The following INTS6L variants were observed in gnomAD, a reference collection of about 807,000 sequenced individuals.
INTS6L encodes the protein integrator complex subunit 6 like.
Under a neutral mutation model 64.7 loss-of-function variants are expected in INTS6L, and 18 were observed. That is an observed-to-expected ratio of 0.28 (90% CI 0.19 to 0.41). The LOEUF (loss-of-function observed/expected upper bound fraction) is 0.41, where lower values mean the gene tolerates loss of function less well. Ranked by LOEUF, INTS6L falls within the 10% of genes least tolerant of loss-of-function variation. The pLI is 1.00. For missense variants in INTS6L, 533 were observed against 661.0 expected (o/e 0.81, Z 2.12); for synonymous variants, 227 against 235.9 (o/e 0.96, Z 0.34).
At chrX:135,553,481 A>ATCT (rs1289456773) in intron 8 of INTS6L, among the ~76,000 whole-genome samples, 9 of 80,768 alleles carry the variant, frequency 1.1e-4, no homozygotes, top group Non-Finnish European at 1.8e-4. Flanking sequence ...AATTTTTTAA[A>ATCT]TTTTTTTTTT....
At chrX:135,556,051 T>C in intron 8 of INTS6L, 117 bp from the exon 9 acceptor site, 1 of 753,379 alleles carries the variant, frequency 1.3e-6, no homozygotes, top group Non-Finnish European at 1.8e-6. Flanking sequence ...ACACTATTGC[T>C]ATTTTAAAAT....
At chrX:135,521,669 G>A (rs1345094237) in intron 2 of INTS6L, among the ~76,000 whole-genome samples, 1 of 109,812 alleles carries the variant, frequency 9.1e-6, no homozygotes, top group Non-Finnish European at 1.9e-5. Context: ...AGGGAGGGGA[G>A]GGAGGAGCGG....
At chrX:135,575,633 T>G (rs1169714220) in intron 14 of INTS6L, among the ~76,000 whole-genome samples, 3 of 112,438 alleles carry the variant, frequency 2.7e-5, no homozygotes, top group African/African-American at 9.7e-5. Flanking sequence ...CACACTAATT[T>G]CTTTAATATC....
chrX:135,525,430 A>T (rs1044926936), intron 2 of INTS6L, among the ~76,000 whole-genome samples: 4 of 112,535 alleles, frequency 3.6e-5, no homozygotes, highest in Non-Finnish European at 7.5e-5. Flanking sequence ...ATTTTTATAA[A>T]TAGGAAATGA....
At chrX:135,521,898 TC>T (rs782554593) in intron 2 of INTS6L, among the ~76,000 whole-genome samples, 1 of 107,408 alleles carries the variant, frequency 9.3e-6, no homozygotes, top group Admixed American at 9.7e-5. Flanking sequence ...CTTCGCTGCA[TC>T]TCCTCCTTCT....
intron 2 of INTS6L, among the ~76,000 whole-genome samples, chrX:135,521,653 G>A (rs1480626523): frequency 2.8e-5 from 3 of 108,996 alleles, no homozygotes; most frequent in African/African-American, 1.0e-4. Context: ...TGCTGAGATG[G>A]AAAGGAGGGA....
In INTS6L at chrX:135,575,142, A is replaced by G. The variant is rs374366882; in HGVS notation, c.1800A>G (p.Thr600=). The G allele has an allele frequency of 2.5e-6, 3 of 1,210,114 alleles. No homozygotes were observed. The African/African-American group carries it at 5.2e-5, about 21-fold the overall frequency. ...GTAACTATCAGGAATATCTGAAGACATTGGCTTCTCCACTGCGAGAGATTG... is the reference window on the plus strand; with the variant it reads ...GTAACTATCAGGAATATCTGAAGACGTTGGCTTCTCCACTGCGAGAGATTG... ...QMGNYQEYLK[T]LASPLREIDP... The change falls in exon 14 of 18, where the codon ACA becomes ACG. Residue 600 remains threonine, a synonymous_variant. Transcript: ENST00000639893.
intron 9 of INTS6L, among the ~76,000 whole-genome samples, chrX:135,564,490 G>T (rs2086879023): frequency 7.2e-5 from 8 of 110,662 alleles, no homozygotes; most frequent in Admixed American, 5.8e-4. Context: ...ACTTTGGGAG[G>T]CCAAGGCAGG....
At chrX:135,552,452 A>T (rs1038170511) in intron 8 of INTS6L, among the ~76,000 whole-genome samples, 3 of 112,307 alleles carry the variant, frequency 2.7e-5, no homozygotes, top group Non-Finnish European at 3.8e-5. Context: ...TAAAGGTTGT[A>T]CTTCACTTCA....
rs929578106 is a variant in INTS6L at position 135,582,509 on chromosome X, C to A, written c.*873C>A. The stretch of plus-strand genomic sequence containing the variant: ...ATCATTTTATTGATTTTCACAAGTT[C>A]ATTAATGCTGGATAAATTTCTACTT... On this transcript the variant is annotated 3_prime_UTR_variant, in exon 18 of 18. Transcript: ENST00000639893. 8.9e-6 allele frequency: 1 copy of A among 112,105 alleles called. No individual in the cohort carries two copies. The highest frequency in any genetic ancestry group is 1.9e-5 in the Non-Finnish European group (1 of 53,254). The allele number at this position is 112,105 out of a possible 1,213,427, so 9.2% of individuals were successfully genotyped here. A position where few individuals can be genotyped will look rare whatever the true frequency, so the allele number is the denominator to read the frequency against.
intron 8 of INTS6L, among the ~76,000 whole-genome samples, chrX:135,552,471 G>A (rs1345626870): frequency 2.7e-5 from 3 of 112,115 alleles, no homozygotes; most frequent in Non-Finnish European, 5.6e-5. Flanking sequence ...CAGGTATGGC[G>A]TCTGCAGCTG....
intron 2 of INTS6L, among the ~76,000 whole-genome samples, chrX:135,529,477 T>A (rs2085844002): frequency 8.9e-6 from 1 of 111,971 alleles, no homozygotes; most frequent in African/African-American, 3.2e-5. Flanking sequence ...GTTAACTTTC[T>A]CAAAACTTAA....
intron 2 of INTS6L, among the ~76,000 whole-genome samples, chrX:135,538,677 A>C (rs782237813): frequency 8.9e-6 from 1 of 112,395 alleles, no homozygotes; most frequent in African/African-American, 3.2e-5. Flanking sequence ...ATAGCCCTAC[A>C]AAATGTACTT....
intron 2 of INTS6L, among the ~76,000 whole-genome samples, chrX:135,521,755 C>A (rs868922019): frequency 2.0e-3 from 1 of 505 alleles, no homozygotes; most frequent in Non-Finnish European, 3.6e-3. Context: ...CGAGGGTCGC[C>A]GCGCGGGGGG....
intron 11 of INTS6L, 69 bp downstream of exon 11, chrX:135,570,615 G>A (rs984864799): frequency 7.4e-6 from 8 of 1,085,101 alleles, no homozygotes; most frequent in Non-Finnish European, 7.3e-6. Flanking sequence ...ATTCTTTAGT[G>A]TAATTGTAAT....
At position 135,546,855 on chromosome X, in the gene INTS6L, G is replaced by A; in HGVS notation, c.583G>A (p.Ala195Thr). 1 of 1,208,994 alleles carries A rather than the reference G, an allele frequency of 8.3e-7. No individual in the cohort carries two copies. Residue 195 changes from alanine (A) to threonine (T), a missense_variant, in exon 5 of 18, where the codon GCC becomes ACC. By Grantham distance (58) the Ala-to-Thr change is moderately conservative. Transcript: ENST00000639893. ...QLGSVPTDES[A>T]ITQMCEVTGG... ...AGGGAGCGTACCAACTGATGAATCT[G>A]CCATCACACAGATGTGTGAAGTCAC...
intron 9 of INTS6L, among the ~76,000 whole-genome samples, chrX:135,559,210 C>T (rs2086720374): frequency 8.9e-6 from 1 of 112,027 alleles, no homozygotes; most frequent in African/African-American, 3.2e-5. Flanking sequence ...GTGATATTAA[C>T]ATTGATGCAG....
intron 9 of INTS6L, among the ~76,000 whole-genome samples, chrX:135,567,387 AT>A (rs1239091968): frequency 8.9e-6 from 1 of 111,776 alleles, no homozygotes; most frequent in African/African-American, 3.2e-5. Flanking sequence ...TGGGTATTTA[AT>A]GCCATGGAAA....
chrX:135,520,925 G>A lies in INTS6L; in HGVS notation c.-68G>A. On this transcript the variant is annotated 5_prime_UTR_variant, in exon 1 of 18. Transcript: ENST00000639893. ...CTCTGCGAGAGTTGAGGGTTCAGGT[G>A]GCCGTACGCGGCAGTGAGGGCAAGA... is the stretch of plus-strand genomic sequence containing the variant. 1.9e-6 allele frequency: 2 copies of A among 1,070,602 alleles called. No individual in the cohort carries two copies. Among genetic ancestry groups the A allele is most frequent in the Non-Finnish European group, 2.6e-6 (2 of 777,118 alleles). 88.2% of individuals were successfully genotyped at this position (1,070,602 alleles called of 1,213,427 possible). A position where few individuals can be genotyped will look rare whatever the true frequency, so the allele number is the denominator to read the frequency against.
Sources: gnomAD v4.1 joint callset for allele counts (sites outside exome capture counted in the v4.1 genomes callset) on GRCh38, gnomAD v4.1.1 for gene constraint, MANE v1.5 for transcripts, NCBI Gene and HGNC (gene_info 2026-07-23, HGNC 2026-07-21) for gene names.